Variants in TERF1 observed in about 807,000 individuals in gnomAD.
The protein encoded by TERF1 is telomeric repeat binding factor 1.
A neutral mutation model predicts 55.1 loss-of-function variants in TERF1; 20 were observed. That is an observed-to-expected ratio of 0.36 (90% CI 0.26 to 0.53). TERF1 has a LOEUF of 0.53. Among genes scored for constraint, TERF1 ranks in the 20% least tolerant of loss-of-function variants. The pLI, the probability that TERF1 is intolerant of heterozygous loss-of-function variation, is 0.91. For missense variants in TERF1, 439 were observed against 535.7 expected (o/e 0.82, Z 1.78); for synonymous variants, 168 against 181.2 (o/e 0.93, Z 0.59).
intron 5 of TERF1, among the ~76,000 whole-genome samples, chr8:73,026,342 T>C (rs1226041936): frequency 6.7e-6 from 1 of 149,774 alleles, no homozygotes; most frequent in Non-Finnish European, 1.5e-5. Flanking sequence ...TACAAAAAAA[T>C]TACAAAAATT....
rs1254130742 is a variant in TERF1, at chr8:73,047,312, T to C, written c.*1175T>C. ...GACTTTTGTTCCAGTGTTTAAACTT[T>C]GACAAAAATGGTTTTGAATAGATCT... On this transcript the variant is annotated 3_prime_UTR_variant, in exon 10 of 10. Transcript: ENST00000276603. The C allele has an allele frequency of 6.6e-6, 1 of 152,140 alleles. No individual in the cohort carries two copies. Among genetic ancestry groups the C allele is most frequent in the Non-Finnish European group, 1.5e-5 (1 of 68,022 alleles). The allele number at this position is 152,140 out of a possible 1,614,324, so 9.4% of individuals were successfully genotyped here. A position where few individuals can be genotyped will look rare whatever the true frequency, so the allele number is the denominator to read the frequency against.
In TERF1 at chr8:73,046,008, A is replaced by G; in HGVS notation, c.1191A>G (p.Lys397=). ...AGAATTTGAGATCTGGCGTGAGGAA[A>G]TATGGAGAGGGAAACTGGTCTAAAA... The part of the protein sequence containing the change: ...EDKNLRSGVR[K]YGEGNWSKIL... The change falls in exon 10 of 10, where the codon AAA becomes AAG. Residue 397 remains lysine, a synonymous_variant. Transcript: ENST00000276603. 3 of 1,606,914 alleles carry G rather than the reference A, an allele frequency of 1.9e-6. No homozygotes were observed. The highest frequency in any genetic ancestry group is 2.5e-6 in the Non-Finnish European group (3 of 1,177,294).
chr8:73,016,763 G>A (rs1480231830), intron 2 of TERF1, among the ~76,000 whole-genome samples: 2 of 152,066 alleles, frequency 1.3e-5, no homozygotes, highest in Non-Finnish European at 2.9e-5. Context: ...ATGTCCTGTG[G>A]AGAAAAGCCA....
intron 2 of TERF1, among the ~76,000 whole-genome samples, chr8:73,017,984 C>T (rs1195708347): frequency 5.3e-5 from 8 of 152,164 alleles, no homozygotes; most frequent in Non-Finnish European, 8.8e-5. Context: ...GCTGGGATTA[C>T]AGGCGTGAGC....
intron 1 of TERF1, chr8:73,011,956 C>T (rs1242462292): frequency 6.6e-6 from 1 of 152,272 alleles, no homozygotes. Context: ...AACAACTTGG[C>T]TGTTAGACAC....
chr8:73,031,734 T>G (rs1809294318), intron 7 of TERF1: 1 of 190,268 alleles, frequency 5.3e-6, no homozygotes, highest in African/African-American at 2.3e-5. Context: ...AAGGATTTTT[T>G]TCCTTGATGT....
chr8:73,020,639 C>A, intron 2 of TERF1, 45 bp from the exon 3 acceptor site: 1 of 1,547,626 alleles, frequency 6.5e-7, no homozygotes, highest in South Asian at 1.2e-5. Context: ...TGACAAAGTT[C>A]TACTTAGCTT....
At chr8:73,041,466 A>G (rs770578091) in intron 9 of TERF1, among the ~76,000 whole-genome samples, 11 of 152,086 alleles carry the variant, frequency 7.2e-5, no homozygotes, top group Non-Finnish European at 1.5e-4. Context: ...TCCTTCTTTT[A>G]GTAAGCCTGT....
intron 2 of TERF1, 36 bp from the exon 3 acceptor site, chr8:73,020,648 T>C (rs745875817): frequency 4.5e-6 from 7 of 1,565,666 alleles, no homozygotes; most frequent in Middle Eastern, 2.4e-4. Context: ...TCTACTTAGC[T>C]TTCTGAGTTA....
At chr8:73,027,166 A>G in intron 6 of TERF1, 114 bp downstream of exon 6, 1 of 747,494 alleles carries the variant, frequency 1.3e-6, no homozygotes, top group East Asian at 2.8e-5. Flanking sequence ...TATCTTGCTG[A>G]TGATTAACAT....
intron 2 of TERF1, among the ~76,000 whole-genome samples, chr8:73,016,025 G>A (rs1808486689): frequency 6.6e-6 from 1 of 152,132 alleles, no homozygotes. Context: ...GGCTGAGGTG[G>A]GTGGATCACT....
chr8:73,019,771 T>A (rs1808672124), intron 2 of TERF1, among the ~76,000 whole-genome samples: 2 of 152,208 alleles, frequency 1.3e-5, no homozygotes, highest in Admixed American at 1.3e-4. Flanking sequence ...TTCTTCCAGA[T>A]CTTTGTGTGA....
intron 5 of TERF1, among the ~76,000 whole-genome samples, chr8:73,026,086 T>C (rs1808982189): frequency 6.7e-6 from 1 of 149,562 alleles, no homozygotes; most frequent in Non-Finnish European, 1.5e-5. Context: ...TAGTCCCAGC[T>C]ACTTGTGGCG....
chr8:73,032,634 G>A (rs1157762566), intron 8 of TERF1, among the ~76,000 whole-genome samples: 2 of 151,770 alleles, frequency 1.3e-5, no homozygotes, highest in Non-Finnish European at 2.9e-5. Flanking sequence ...TTCACATAAG[G>A]ACAAAATCAC....
intron 8 of TERF1, among the ~76,000 whole-genome samples, chr8:73,037,151 A>AT (rs1429732243): frequency 2.5e-5 from 3 of 118,858 alleles, no homozygotes; most frequent in African/African-American, 9.1e-5. Flanking sequence ...ATATATTATA[A>AT]TATATAATAA....
intron 1 of TERF1, chr8:73,013,669 G>T (rs1808369128): frequency 4.5e-6 from 2 of 445,668 alleles, no homozygotes; most frequent in African/African-American, 2.1e-5. Context: ...ACTTGTGAAA[G>T]AATTTTCAAC....
intron 6 of TERF1, among the ~76,000 whole-genome samples, chr8:73,029,698 CAG>C (rs1337730919): frequency 1.3e-5 from 2 of 152,096 alleles, no homozygotes; most frequent in Non-Finnish European, 2.9e-5. Flanking sequence ...ATATCTAACA[CAG>C]TGTTGAAATA....
At chr8:73,040,437 T>C (rs1335407903) in intron 9 of TERF1, among the ~76,000 whole-genome samples, 1 of 152,204 alleles carries the variant, frequency 6.6e-6, no homozygotes, top group East Asian at 1.9e-4. Flanking sequence ...TTTTCAGAGT[T>C]TGGGATTTTA....
intron 4 of TERF1, 80 bp from the exon 5 acceptor site, chr8:73,024,742 A>G (rs1210791918): frequency 7.7e-6 from 8 of 1,039,424 alleles, no homozygotes; most frequent in South Asian, 1.6e-5. Context: ...TTTCTTTTCA[A>G]TTAAATAATA....
Sources: gnomAD v4.1 joint callset for allele counts (sites outside exome capture counted in the v4.1 genomes callset) on GRCh38, gnomAD v4.1.1 for gene constraint, MANE v1.5 for transcripts, NCBI Gene and HGNC (gene_info 2026-07-23, HGNC 2026-07-21) for gene names.